The following DOCK11 variants were observed in gnomAD, a reference collection of about 807,000 sequenced individuals.
DOCK11 encodes dedicator of cytokinesis protein 11.
Under a neutral mutation model 169.1 loss-of-function variants are expected in DOCK11, and 70 were observed. That is an observed-to-expected ratio of 0.41 (90% confidence interval 0.34 to 0.51). DOCK11 has a LOEUF of 0.51. Ranked by LOEUF, DOCK11 falls within the 20% of genes least tolerant of loss-of-function variation. The pLI, the probability that DOCK11 is intolerant of heterozygous loss-of-function variation, is 0.10. For missense variants in DOCK11, 1,166 were observed against 1,538.8 expected (o/e 0.76, Z 4.05); for synonymous variants, 529 against 541.3 (o/e 0.98, Z 0.32).
intron 40 of DOCK11, among the ~76,000 whole-genome samples, chrX:118,644,859 T>G (rs189767862): frequency 2.7e-5 from 3 of 111,769 alleles, no homozygotes; most frequent in African/African-American, 9.8e-5. Context: ...ATATTTGTAT[T>G]AAGAGGGAAT....
intron 6 of DOCK11, among the ~76,000 whole-genome samples, chrX:118,553,509 C>T (rs2012574425): frequency 2.7e-5 from 3 of 111,531 alleles, no homozygotes; most frequent in Admixed American, 1.9e-4. Context: ...GATATGATAT[C>T]GGGGTTGCAA....
intron 12 of DOCK11, 60 bp from the exon 13 acceptor site, chrX:118,578,465 A>G: frequency 3.4e-6 from 4 of 1,167,963 alleles, no homozygotes; most frequent in Non-Finnish European, 4.6e-6. Flanking sequence ...ATCGTTAACC[A>G]TAAACAACCA....
chrX:118,624,690 C>A, intron 32 of DOCK11, 35 bp downstream of exon 32: 1 of 992,393 alleles, frequency 1.0e-6, no homozygotes, highest in Non-Finnish European at 1.4e-6. Flanking sequence ...GAGTTTTATC[C>A]TATTTTATTG....
At chrX:118,685,532 A>C (rs2016838510) in intron 52 of DOCK11, 156 bp from the exon 53 acceptor site, 18 of 628,106 alleles carry the variant, frequency 2.9e-5, no homozygotes, top group Non-Finnish European at 3.9e-5. Context: ...TTGAAGACTT[A>C]AGTCGGTAAT....
chrX:118,645,910 G>T (rs778205745), intron 40 of DOCK11, among the ~76,000 whole-genome samples: 2 of 99,703 alleles, frequency 2.0e-5, no homozygotes, highest in African/African-American at 3.7e-5. Context: ...AAAAAAATTA[G>T]CTGGGCATGG....
chrX:118,649,106 C>T lies in DOCK11; in HGVS notation c.4560C>T (p.Thr1520=), dbSNP rs753236788. Residue 1520 remains threonine (T), a synonymous_variant, in exon 41 of 53, where the codon ACC becomes ACT. Coordinates refer to ENST00000276202, the MANE Select transcript of DOCK11 (RefSeq NM_144658.4). ...ACTTTGAGTATACCAAAAGGAAAAC[C>T]TTTTTGAGGACACATCTACAGGTCA... The part of the protein sequence containing the change: ...RNNFEYTKRK[T]FLRTHLQIII... The T allele has an allele frequency of 1.7e-6, 2 of 1,192,280 alleles. No individual in the cohort carries two copies. Among genetic ancestry groups the T allele is most frequent in the Non-Finnish European group, 2.3e-6 (2 of 886,182 alleles).
chrX:118,499,550 A>G (rs1268990387), intron 1 of DOCK11, among the ~76,000 whole-genome samples: 1 of 111,884 alleles, frequency 8.9e-6, no homozygotes, highest in Non-Finnish European at 1.9e-5. Context: ...CTACCTTTGC[A>G]TGGAATGTTT....
intron 42 of DOCK11, among the ~76,000 whole-genome samples, chrX:118,652,507 A>G (rs2015969974): frequency 9.0e-6 from 1 of 111,691 alleles, no homozygotes; most frequent in South Asian, 3.7e-4. Flanking sequence ...TCCATTGCCA[A>G]TGGATGAGAA....
At chrX:118,630,802 A>G (rs1381860283) in intron 35 of DOCK11, among the ~76,000 whole-genome samples, 5 of 112,559 alleles carry the variant, frequency 4.4e-5, no homozygotes, top group Non-Finnish European at 9.4e-5. Flanking sequence ...TAAATGACCA[A>G]TGTAACTGAA....
At chrX:118,655,357 G>A (rs753188721) in intron 44 of DOCK11, among the ~76,000 whole-genome samples, 2 of 111,162 alleles carry the variant, frequency 1.8e-5, no homozygotes, top group South Asian at 3.8e-4. Context: ...CAGGCCTGAT[G>A]CCCAGTGTTT....
chrX:118,499,245 A>T (rs1223131044), intron 1 of DOCK11, among the ~76,000 whole-genome samples: 1 of 112,197 alleles, frequency 8.9e-6, no homozygotes, highest in Non-Finnish European at 1.9e-5. Flanking sequence ...AACCTGTTGT[A>T]TTATGGCCGC....
Position 118,578,564 on chromosome X carries a change from C to T in DOCK11, c.1429C>T (p.Leu477=). 8.3e-7 allele frequency: 1 copy of T among 1,209,054 alleles called. No homozygotes were observed. The highest frequency in any genetic ancestry group is 1.1e-6 in the Non-Finnish European group (1 of 893,577). The change falls in exon 13 of 53, where the codon CTA becomes TTA. Residue 477 remains leucine, a synonymous_variant. Coordinates refer to ENST00000276202, the MANE Select transcript of DOCK11 (RefSeq NM_144658.4). ...SVTNPHPEIF[L]VARIEKVLQG... ...GACGAATCCACATCCTGAAATTTTT[C>T]TAGTTGCCAGAATTGAAAAGGTACT... is the stretch of plus-strand genomic sequence containing the variant.
At chrX:118,673,571 AT>A (rs1403013700) in intron 46 of DOCK11, among the ~76,000 whole-genome samples, 1 of 112,145 alleles carries the variant, frequency 8.9e-6, no homozygotes, top group Non-Finnish European at 1.9e-5. Flanking sequence ...AGTAAGGAAG[AT>A]TTCCCTCCAA....
At chrX:118,667,723 C>T (rs2016372479) in intron 45 of DOCK11, among the ~76,000 whole-genome samples, 1 of 111,232 alleles carries the variant, frequency 9.0e-6, no homozygotes, top group Admixed American at 9.6e-5. Flanking sequence ...ATCATCTTTT[C>T]TACTTCCTCA....
At position 118,618,719 on chromosome X, in the gene DOCK11, C is replaced by T. The variant is rs1259517692; in HGVS notation, c.3462C>T (p.Tyr1154=). The T allele has an allele frequency of 9.2e-6, 11 of 1,199,561 alleles. No individual in the cohort carries two copies. Among genetic ancestry groups the T allele is most frequent in the Non-Finnish European group, 1.2e-5 (11 of 888,415 alleles). The change falls in exon 31 of 53, where the codon TAC becomes TAT. Residue 1154 remains tyrosine (Y), a synonymous_variant. Transcript: ENST00000276202. ...LLIKHAFDTR[Y]QHKNQQAKIA... is the part of the protein sequence containing the mutation. ...TAAAACATGCATTTGACACAAGATA[C>T]CAGCACAAGGTAAGGATATCCATGC...
At chrX:118,566,226 C>T (rs1442431382) in intron 8 of DOCK11, 44 bp downstream of exon 8, 1 of 1,107,241 alleles carries the variant, frequency 9.0e-7, no homozygotes, top group Admixed American at 2.6e-5. Flanking sequence ...AAGCCCTTGT[C>T]TTTAATCCGT....
intron 1 of DOCK11, among the ~76,000 whole-genome samples, chrX:118,518,994 T>A (rs1003809732): frequency 8.9e-6 from 1 of 112,078 alleles, no homozygotes; most frequent in Non-Finnish European, 1.9e-5. Flanking sequence ...TGTCAAAAAA[T>A]ATCCTAAGTG....
intron 46 of DOCK11, among the ~76,000 whole-genome samples, chrX:118,672,723 C>T (rs922827333): frequency 2.2e-4 from 25 of 113,335 alleles, no homozygotes; most frequent in African/African-American, 7.4e-4. Context: ...GCGTGAGCCA[C>T]CGTGCCCGGC....
At chrX:118,663,789 C>T (rs1478642833) in intron 45 of DOCK11, among the ~76,000 whole-genome samples, 2 of 105,989 alleles carry the variant, frequency 1.9e-5, no homozygotes, top group East Asian at 5.9e-4. Flanking sequence ...ATTCTCCTGC[C>T]TCAGCCTACC....
Sources: gnomAD v4.1 joint callset for allele counts (sites outside exome capture counted in the v4.1 genomes callset) on GRCh38, gnomAD v4.1.1 for gene constraint, MANE v1.5 for transcripts, NCBI Gene and HGNC (gene_info 2026-07-23, HGNC 2026-07-21) for gene names.